ATRNL1: variants seen among roughly 807,000 people sequenced by gnomAD.
The protein encoded by ATRNL1 is attractin-like protein 1.
ATRNL1 carries 95 observed loss-of-function variants against 182.7 expected under a neutral mutation model. The ratio of observed to expected loss-of-function variants is 0.52; its 90% CI spans 0.44 to 0.62. ATRNL1 has a LOEUF of 0.62. Ranked by LOEUF, ATRNL1 falls within the 20% of genes least tolerant of loss-of-function variation. The pLI, the probability that ATRNL1 is intolerant of heterozygous loss-of-function variation, is 0.00. For missense variants in ATRNL1, 1,471 were observed against 1,679.5 expected, an observed-to-expected ratio of 0.88 and a Z score of 2.17; for synonymous variants, 576 against 568.3, an observed-to-expected ratio of 1.01 and a Z score of -0.19.
chr10:115,737,956 C>T (rs1948007241), intron 27 of ATRNL1, among the ~76,000 whole-genome samples: 1 of 151,824 alleles, frequency 6.6e-6, no homozygotes, highest in East Asian at 1.9e-4. Context: ...GGCATGAGTT[C>T]CCTCCACCAG....
At chr10:115,539,040 G>A (rs551609584) in intron 25 of ATRNL1, among the ~76,000 whole-genome samples, 3 of 152,340 alleles carry the variant, frequency 2.0e-5, no homozygotes, top group East Asian at 1.9e-4. Context: ...TATACCATCA[G>A]TGTTTGTTTA....
At chr10:115,859,276 T>C (rs1013907459) in intron 28 of ATRNL1, among the ~76,000 whole-genome samples, 3 of 151,862 alleles carry the variant, frequency 2.0e-5, no homozygotes, top group African/African-American at 7.3e-5. Context: ...AATGGAAGGG[T>C]TCTGAGTCTC....
chr10:115,647,556 A>G (rs1319328580), intron 26 of ATRNL1, among the ~76,000 whole-genome samples: 5 of 152,130 alleles, frequency 3.3e-5, no homozygotes, highest in East Asian at 1.9e-4. Context: ...GCCAGCGATG[A>G]TGAGCATTTT....
intron 27 of ATRNL1, among the ~76,000 whole-genome samples, chr10:115,806,962 C>T (rs570096123): frequency 1.3e-5 from 2 of 152,206 alleles, no homozygotes; most frequent in South Asian, 4.1e-4. Flanking sequence ...CTTTAGCTAT[C>T]CCTTTCTGCA....
At chr10:115,620,690 G>A (rs1230676704) in intron 26 of ATRNL1, among the ~76,000 whole-genome samples, 3 of 152,136 alleles carry the variant, frequency 2.0e-5, no homozygotes, top group Non-Finnish European at 4.4e-5. Context: ...AATTATATGA[G>A]TTCTCATTTA....
intron 24 of ATRNL1, among the ~76,000 whole-genome samples, chr10:115,481,729 T>A (rs1443742346): frequency 6.6e-6 from 1 of 150,894 alleles, no homozygotes; most frequent in Admixed American, 6.6e-5. Flanking sequence ...TATAATCTTA[T>A]ATTTATATCT....
At chr10:115,661,773 G>A (rs1310825612) in intron 26 of ATRNL1, among the ~76,000 whole-genome samples, 1 of 128,476 alleles carries the variant, frequency 7.8e-6, no homozygotes, top group Non-Finnish European at 1.9e-5. Context: ...AATTAAAATT[G>A]CATTTTTTTT....
chr10:115,487,630 C>A (rs782609879), intron 24 of ATRNL1, among the ~76,000 whole-genome samples: 1 of 152,114 alleles, frequency 6.6e-6, no homozygotes, highest in Non-Finnish European at 1.5e-5. Flanking sequence ...AGTTTTTGGA[C>A]GGAGATGATG....
chr10:115,179,181 A>G (rs1554887411), intron 8 of ATRNL1, among the ~76,000 whole-genome samples: 1 of 152,160 alleles, frequency 6.6e-6, no homozygotes, highest in East Asian at 1.9e-4. Flanking sequence ...GTGGTGACTC[A>G]TAACATGCTG....
intron 26 of ATRNL1, among the ~76,000 whole-genome samples, chr10:115,684,228 A>G (rs1035108199): frequency 2.0e-5 from 3 of 151,232 alleles, no homozygotes; most frequent in African/African-American, 7.3e-5. Context: ...TTTTTAGTAT[A>G]TAGTATATAA....
chr10:115,535,799 T>C (rs1554990034), intron 25 of ATRNL1, among the ~76,000 whole-genome samples: 1 of 152,156 alleles, frequency 6.6e-6, no homozygotes, highest in Non-Finnish European at 1.5e-5. Flanking sequence ...GTGGATGTCC[T>C]TTCTGTTTGT....
intron 18 of ATRNL1, among the ~76,000 whole-genome samples, chr10:115,331,170 C>T (rs1855199455): frequency 6.6e-6 from 1 of 152,082 alleles, no homozygotes; most frequent in South Asian, 2.1e-4. Context: ...CGCCATTCTC[C>T]TGCCTCAGCC....
intron 7 of ATRNL1, among the ~76,000 whole-genome samples, chr10:115,169,591 G>A (rs576922901): frequency 1.2e-4 from 19 of 152,130 alleles, no homozygotes; most frequent in Admixed American, 1.2e-3. Context: ...TTGTTCTGAT[G>A]TTCTGCATCC....
chr10:115,640,731 C>G (rs962812475), intron 26 of ATRNL1, among the ~76,000 whole-genome samples: 8 of 152,156 alleles, frequency 5.3e-5, no homozygotes, highest in African/African-American at 1.9e-4. Context: ...GTTGCCTGTT[C>G]GCTGATGATA....
chr10:115,183,066 G>A (rs11197104), intron 8 of ATRNL1, among the ~76,000 whole-genome samples: 2 of 151,306 alleles, frequency 1.3e-5, no homozygotes, highest in African/African-American at 2.4e-5. Flanking sequence ...AAAATTAGTA[G>A]TTTCCCAAGA....
At chr10:115,429,634 T>G (rs117415861) in intron 21 of ATRNL1, among the ~76,000 whole-genome samples, 1 of 152,334 alleles carries the variant, frequency 6.6e-6, no homozygotes, top group Non-Finnish European at 1.5e-5. Flanking sequence ...CCATACTTAG[T>G]CATGGCATAT....
At chr10:115,181,377 T>A (rs1479258672) in intron 8 of ATRNL1, among the ~76,000 whole-genome samples, 2 of 151,798 alleles carry the variant, frequency 1.3e-5, no homozygotes, top group African/African-American at 4.8e-5. Context: ...GACCCAATTT[T>A]AATTTTTAGT....
intron 8 of ATRNL1, among the ~76,000 whole-genome samples, chr10:115,198,819 G>A (rs1848451829): frequency 6.6e-6 from 1 of 152,104 alleles, no homozygotes; most frequent in African/African-American, 2.4e-5. Flanking sequence ...GACTATAAAT[G>A]TGTGAATTTA....
chr10:115,378,779 A>T (rs1389472790), intron 19 of ATRNL1, among the ~76,000 whole-genome samples: 2 of 152,194 alleles, frequency 1.3e-5, no homozygotes, highest in Non-Finnish European at 2.9e-5. Context: ...TCTTTGTTAG[A>T]ATTCTTACTA....
Sources: gnomAD v4.1 joint callset for allele counts (sites outside exome capture counted in the v4.1 genomes callset) on GRCh38, gnomAD v4.1.1 for gene constraint, MANE v1.5 for transcripts, NCBI Gene and HGNC (gene_info 2026-07-23, HGNC 2026-07-21) for gene names.